KMT2E: variants seen among roughly 807,000 people sequenced by gnomAD.
KMT2E encodes the protein lysine methyltransferase 2E (inactive), also known as histone reader KMT2E.
In KMT2E, 30 loss-of-function variants were observed where a neutral mutation model predicts 184.6. The observed-to-expected ratio is 0.16, with a 90% confidence interval of 0.12 to 0.22. The LOEUF is 0.22. KMT2E is among the 10% of genes least tolerant of loss of function. The pLI, the probability that KMT2E is intolerant of heterozygous loss-of-function variation, is 1.00. For synonymous variants in KMT2E, 815 were observed against 776.5 expected (o/e 1.05, Z -0.82); for missense variants, 2,023 against 2,237.4 (o/e 0.90, Z 1.93).
chr7:105,076,870 TTTTGTG>T lies in KMT2E; in HGVS notation c.769-91_769-86del, dbSNP rs1192486503. On this transcript the variant is annotated intron_variant, in intron 9 of 26. Coordinates refer to ENST00000311117, the MANE Select transcript of KMT2E (RefSeq NM_182931.3). ...GTTCTTTTGTATAGATTGCCGTTAA[TTTTGTG>T]TGTGTGTGTGTGTGTGTGTGTGTGT... is the stretch of plus-strand genomic sequence containing the variant. 1.0e-4 allele frequency: 78 copies of T among 774,442 alleles called. No individual in the cohort carries two copies. The East Asian group carries it at 1.8e-3, about 18-fold the overall frequency. 48.0% of individuals were successfully genotyped at this position (774,442 alleles called of 1,614,324 possible).
At chr7:105,078,725 C>A (rs1797634586) in intron 11 of KMT2E, 121 bp from the exon 12 acceptor site, 4 of 239,538 alleles carry the variant, frequency 1.7e-5, no homozygotes, top group South Asian at 1.5e-4. Flanking sequence ...CCAGGTTGGT[C>A]TTGATCTCCT....
At chr7:105,029,217 C>G (rs996391873) in intron 1 of KMT2E, among the ~76,000 whole-genome samples, 2 of 151,946 alleles carry the variant, frequency 1.3e-5, no homozygotes, top group Non-Finnish European at 1.5e-5. Flanking sequence ...GAGCTGAGAT[C>G]GTGCCACTGC....
chr7:105,080,207 G>T (rs1438311996), intron 12 of KMT2E, among the ~76,000 whole-genome samples: 1 of 152,114 alleles, frequency 6.6e-6, no homozygotes, highest in Non-Finnish European at 1.5e-5. Flanking sequence ...TACATGCGAT[G>T]ATTTAAGTTA....
Position 105,063,807 on chromosome 7 carries a change from C to G in KMT2E, c.416+227C>G, listed in dbSNP as rs1584747372. 9 of 515,120 alleles carry G rather than the reference C, an allele frequency of 1.7e-5. No individual in the cohort carries two copies. The East Asian group carries it at 3.1e-4, about 18-fold the overall frequency. 31.9% of individuals were successfully genotyped at this position (515,120 alleles called of 1,614,324 possible). Reference sequence around the variant, plus strand: ...AGACAGTCAGTTCTGAACTTTTTTTCATGTAGGATCACATTTTTCTGTTCA... The same window carrying G: ...AGACAGTCAGTTCTGAACTTTTTTTGATGTAGGATCACATTTTTCTGTTCA... On this transcript the variant is annotated intron_variant, in intron 5 of 26. Coordinates refer to ENST00000311117, the MANE Select transcript of KMT2E (RefSeq NM_182931.3).
At chr7:105,078,997 G>A (rs1464220105) in intron 12 of KMT2E, 34 bp downstream of exon 12, 1 of 1,113,900 alleles carries the variant, frequency 9.0e-7, no homozygotes, top group Non-Finnish European at 1.4e-6. Context: ...GGAGATGTGG[G>A]TGCTGGGGGT....
intron 9 of KMT2E, 54 bp from the exon 10 acceptor site, chr7:105,076,909 T>C: frequency 1.2e-6 from 1 of 804,384 alleles, no homozygotes; most frequent in Non-Finnish European, 2.1e-6. Context: ...TGTGTGTGTG[T>C]GTGTGTGTGT....
intron 3 of KMT2E, among the ~76,000 whole-genome samples, chr7:105,043,359 C>T (rs1365818083): frequency 2.0e-5 from 3 of 150,454 alleles, no homozygotes; most frequent in Admixed American, 2.0e-4. Context: ...GCCTCAGCCT[C>T]CCAAGTAGCT....
intron 17 of KMT2E, chr7:105,103,282 C>CCTAT (rs1201848036): frequency 6.6e-6 from 1 of 152,124 alleles, no homozygotes; most frequent in East Asian, 1.9e-4. Context: ...GCTTCTACAT[C>CCTAT]CTATCTGATT....
chr7:105,079,532 T>TG (rs1263847445), intron 12 of KMT2E, among the ~76,000 whole-genome samples: 1 of 133,820 alleles, frequency 7.5e-6, no homozygotes. Flanking sequence ...TTTTTTTTTT[T>TG]TTTTTTTTTG....
intron 3 of KMT2E, among the ~76,000 whole-genome samples, chr7:105,042,583 G>T (rs938043007): frequency 4.6e-5 from 7 of 152,198 alleles, no homozygotes; most frequent in Non-Finnish European, 7.3e-5. Context: ...GTAGAGTTAG[G>T]TTTGAACCCA....
chr7:105,094,995 T>C (rs1330381921), intron 15 of KMT2E, among the ~76,000 whole-genome samples: 3 of 152,178 alleles, frequency 2.0e-5, no homozygotes, highest in African/African-American at 2.4e-5. Context: ...AATACAAAAT[T>C]GGCAATTTTA....
chr7:105,075,845 C>G (rs1797504042), intron 8 of KMT2E, among the ~76,000 whole-genome samples, 198 bp from the exon 9 acceptor site: 1 of 152,118 alleles, frequency 6.6e-6, no homozygotes, highest in Non-Finnish European at 1.5e-5. Flanking sequence ...CGCCACCACT[C>G]TCAACCACAT....
rs573547386 is a variant in KMT2E at position 105,020,989 on chromosome 7, G to A, written c.-189+6454G>A. Among the ~76,000 whole-genome samples, 6 of 152,244 alleles carry A rather than the reference G, an allele frequency of 3.9e-5. No individual in the cohort carries two copies. In the South Asian group the frequency reaches 8.3e-4, roughly 21 times the overall value. ...ATTTCAGAGACTAATATATGTAATC[G>A]TTTCTATTTTTGAGTTTACAGAGAG... On this transcript the variant is annotated intron_variant, in intron 1 of 26. Transcript: ENST00000311117.
chr7:105,044,452 G>T (rs770412175), intron 3 of KMT2E, among the ~76,000 whole-genome samples: 2 of 152,158 alleles, frequency 1.3e-5, no homozygotes, highest in Non-Finnish European at 2.9e-5. Flanking sequence ...TTATTTTACA[G>T]ATATGGGCAC....
intron 1 of KMT2E, among the ~76,000 whole-genome samples, chr7:105,028,168 A>C (rs1795247796): frequency 6.7e-6 from 1 of 150,126 alleles, no homozygotes; most frequent in South Asian, 2.1e-4. Context: ...AGGAACTGAG[A>C]CTTTTTTTTT....
At chr7:105,049,764 C>T (rs1415903020) in intron 3 of KMT2E, among the ~76,000 whole-genome samples, 1 of 151,594 alleles carries the variant, frequency 6.6e-6, no homozygotes, top group African/African-American at 2.4e-5. Context: ...TAGTGGCGGG[C>T]GCCTGTAATC....
intron 3 of KMT2E, among the ~76,000 whole-genome samples, chr7:105,060,645 A>G (rs530563867): frequency 1.3e-5 from 2 of 151,796 alleles, no homozygotes; most frequent in East Asian, 3.9e-4. Flanking sequence ...TATCTTACCC[A>G]AGCTACTCCT....
At chr7:105,065,758 A>G (rs1797001596) in intron 5 of KMT2E, among the ~76,000 whole-genome samples, 1 of 152,192 alleles carries the variant, frequency 6.6e-6, no homozygotes, top group African/African-American at 2.4e-5. Flanking sequence ...GAACACAGGT[A>G]AATGAAACCA....
chr7:105,061,315 T>G lies in KMT2E; in HGVS notation c.72-849T>G, dbSNP rs564046501. ...TTTTAATAGGAGGTAGGATAAAGAT[T>G]GTCATGAAAAATTTTTCAAGTGATG... On this transcript the variant is annotated intron_variant, in intron 3 of 26. Transcript: ENST00000311117. 2.0e-5 allele frequency among the ~76,000 whole-genome samples: 3 copies of G among 151,452 alleles called. No individual in the cohort carries two copies. The East Asian group carries it at 6.6e-4, about 33-fold the overall frequency.
Sources: allele counts gnomAD v4.1 joint callset (sites outside exome capture counted in the v4.1 genomes callset), GRCh38; gene constraint gnomAD v4.1.1; transcripts MANE v1.5; gene names NCBI Gene and HGNC (gene_info 2026-07-23, HGNC 2026-07-21).